Variants in NELFE observed in about 807,000 individuals in gnomAD.
NELFE encodes the protein negative elongation factor complex member E.
In NELFE, 26 loss-of-function variants were observed where a neutral mutation model predicts 55.5. The ratio of observed to expected loss-of-function variants is 0.47; its 90% CI spans 0.34 to 0.65. The LOEUF (loss-of-function observed/expected upper bound fraction) is 0.65. Ranked by LOEUF, NELFE falls within the 30% of genes least tolerant of loss-of-function variation. NELFE has a pLI of 0.01. For missense variants in NELFE, 403 were observed against 506.9 expected (o/e 0.80, Z 1.97); for synonymous variants, 162 against 178.0 (o/e 0.91, Z 0.72).
chr6:31,958,585 G>A, intron 1 of NELFE, 131 bp from the exon 2 acceptor site: 1 of 774,240 alleles, frequency 1.3e-6, no homozygotes, highest in South Asian at 1.4e-5. Flanking sequence ...CCTACCCCTT[G>A]CTTAAACCAG....
rs1771923760 is a variant in NELFE, at chr6:31,954,138, G to A, written c.888-4C>T. 5 of 1,614,004 alleles carry A rather than the reference G, an allele frequency of 3.1e-6. No individual in the cohort carries two copies. The highest frequency in any genetic ancestry group is 4.2e-6 in the Non-Finnish European group (5 of 1,179,994). ...TTCATAGGTGACGAAGGCACAGCTG[G>A]GATAAGAGAAAACACGGTCAGTGGA... On this transcript the variant is annotated splice_polypyrimidine_tract_variant and splice_region_variant and intron_variant, in intron 8 of 10. Transcript: ENST00000375429. This position sits in a 1 kb window ranked among gnomAD's most constrained non-coding sequence, Gnocchi z 5.5.
At chr6:31,955,133 A>C (rs1381693268) in intron 5 of NELFE, 37 bp from the exon 6 acceptor site, 1 of 1,612,886 alleles carries the variant, frequency 6.2e-7, no homozygotes. Context: ...GATGATTTCC[A>C]GTTGCTGACA....
rs757028496 is a variant in NELFE, at chr6:31,956,696, T to A, written c.288A>T (p.Leu96Phe). Reference protein sequence around the residue: ...FKRSRTLEGKLKDPEKGPVPT... With the variant: ...FKRSRTLEGKFKDPEKGPVPT... ...CAATCTTTCTGCTTGTGCTCACCTTTAACTTCCCCTCAAGGGTTCGAGAAC... is the reference window on the plus strand; with the variant it reads ...CAATCTTTCTGCTTGTGCTCACCTTAAACTTCCCCTCAAGGGTTCGAGAAC... The change falls in exon 4 of 11, where the codon TTA (leucine) becomes TTT (phenylalanine). Residue 96 changes from leucine (L) to phenylalanine (F), a missense_variant. By Grantham distance (22) the Leu-to-Phe change is conservative. Around this residue, in one of 3 missense-constraint regions of NELFE, gnomAD observed 97 missense variants for 155.3 expected, o/e 0.62. Coordinates refer to ENST00000375429, the MANE Select transcript of NELFE (RefSeq NM_002904.6). 1.2e-6 allele frequency: 2 copies of A among 1,601,130 alleles called. No individual in the cohort carries two copies. The highest frequency in any genetic ancestry group is 1.7e-6 in the Non-Finnish European group (2 of 1,170,224).
intron 4 of NELFE, 67 bp downstream of exon 4, chr6:31,956,626 T>C (rs1184519987): frequency 1.2e-5 from 18 of 1,517,630 alleles, no homozygotes; most frequent in East Asian, 4.6e-5. Context: ...TGCATATTTT[T>C]CCCCAAACCC....
intron 2 of NELFE, chr6:31,957,431 A>G: frequency 2.1e-6 from 1 of 472,434 alleles, no homozygotes. Flanking sequence ...CAAGAAGCTT[A>G]CAGTCTGAGA....
rs1771919786 is a variant in NELFE at position 31,954,082 on chromosome 6, C to T, written c.940G>A (p.Glu314Lys). ...KMESADQAVA[E>K]LNGTQVESVQ... The stretch of plus-strand genomic sequence containing the variant: ...GAACAGATTTGGGAAGTTCCAACCT[C>T]AGCAACGGCCTGATCTGCTGACTCC... Residue 314 changes from glutamate (E) to lysine (K), a missense_variant and splice_region_variant, in exon 9 of 11, where the codon GAG becomes AAG. Transcript: ENST00000375429. The surrounding 1 kb of genome is among the most constrained non-coding windows in gnomAD (Gnocchi z 5.5). 6.2e-7 allele frequency: 1 copy of T among 1,613,532 alleles called. No homozygotes were observed. Among genetic ancestry groups the T allele is most frequent in the Admixed American group, 1.7e-5 (1 of 59,988 alleles).
chr6:31,955,389 T>A, intron 4 of NELFE, 96 bp from the exon 5 acceptor site: 1 of 762,312 alleles, frequency 1.3e-6, no homozygotes, highest in Non-Finnish European at 2.1e-6. Context: ...CTAGGTTTCC[T>A]CTGATCTTTT....
At position 31,958,366 on chromosome 6, in the gene NELFE, C is replaced by T; in HGVS notation, c.75+6G>A. 1.9e-6 allele frequency: 3 copies of T among 1,612,526 alleles called. No homozygotes were observed. Among genetic ancestry groups the T allele is most frequent in the Non-Finnish European group, 2.5e-6 (3 of 1,179,520 alleles). On this transcript the variant is annotated splice_donor_region_variant and intron_variant, in intron 2 of 10. Coordinates refer to ENST00000375429, the MANE Select transcript of NELFE (RefSeq NM_002904.6). ...GGTTAGGCCATGTCCACACACAGTCCCTCACCTTTTTCTTGAGCTTGTTGA... is the reference window on the plus strand; with the variant it reads ...GGTTAGGCCATGTCCACACACAGTCTCTCACCTTTTTCTTGAGCTTGTTGA...
chr6:31,954,067 G>C lies in NELFE; in HGVS notation c.942+13C>G. 6.2e-7 allele frequency: 1 copy of C among 1,612,666 alleles called. No homozygotes were observed. The highest frequency in any genetic ancestry group is 8.5e-7 in the Non-Finnish European group (1 of 1,179,392). On this transcript the variant is annotated intron_variant, in intron 9 of 10. Coordinates refer to ENST00000375429, the MANE Select transcript of NELFE (RefSeq NM_002904.6). This position sits in a 1 kb window ranked among gnomAD's most constrained non-coding sequence, Gnocchi z 5.5. ...CAGAAGCGATGGGAAGAACAGATTTGGGAAGTTCCAACCTCAGCAACGGCC... is the reference window on the plus strand; with the variant it reads ...CAGAAGCGATGGGAAGAACAGATTTCGGAAGTTCCAACCTCAGCAACGGCC...
chr6:31,957,578 AAG>A, intron 2 of NELFE: 1 of 378,584 alleles, frequency 2.6e-6, no homozygotes, highest in South Asian at 2.0e-5. Flanking sequence ...CAGAGAGGAG[AAG>A]GGTATTTTAG....
At position 31,952,281 on chromosome 6, in the gene NELFE, A is replaced by C. The variant is rs765570341; in HGVS notation, c.*20T>G. ...ACCAGCATTGGGGCATATGAGGCAC[A>C]AGGAATCCAGCTCTGTTCCCTAGAA... On this transcript the variant is annotated 3_prime_UTR_variant, in exon 11 of 11. Transcript: ENST00000375429. 1 of 1,598,270 alleles carries C rather than the reference A, an allele frequency of 6.3e-7. No individual in the cohort carries two copies. The highest frequency in any genetic ancestry group is 2.2e-5 in the East Asian group (1 of 44,802).
At chr6:31,953,972 G>A (rs1771911989) in intron 9 of NELFE, 108 bp downstream of exon 9, 9 of 1,377,922 alleles carry the variant, frequency 6.5e-6, no homozygotes, top group Non-Finnish European at 1.0e-6. Context: ...AATAGGGAGA[G>A]GCTTTCTTTA....
chr6:31,955,860 C>T (rs1196614481), intron 4 of NELFE, among the ~76,000 whole-genome samples: 1 of 152,168 alleles, frequency 6.6e-6, no homozygotes, highest in African/African-American at 2.4e-5. Flanking sequence ...ACCTCTGCCT[C>T]CTGGGTTCAA....
In NELFE at chr6:31,958,909, G is replaced by T. The variant is rs1295809566; in HGVS notation, c.-26C>A. On this transcript the variant is annotated 5_prime_UTR_variant, in exon 1 of 11. Coordinates refer to ENST00000375429, the MANE Select transcript of NELFE (RefSeq NM_002904.6). Reference sequence around the variant, plus strand: ...GGCCTTACCCGAGGGGGCGGCAACCGGGGGCCCCACGGTCTCCGGCCGCGC... The same window carrying T: ...GGCCTTACCCGAGGGGGCGGCAACCTGGGGCCCCACGGTCTCCGGCCGCGC... The T allele has an allele frequency of 5.1e-6, 3 of 592,462 alleles. No homozygotes were observed. The highest frequency in any genetic ancestry group is 4.4e-4 in the Middle Eastern group (1 of 2,260). The allele number at this position is 592,462 out of a possible 1,614,324, so 36.7% of individuals were successfully genotyped here. A position where few individuals can be genotyped will look rare whatever the true frequency, so the allele number is the denominator to read the frequency against.
At chr6:31,955,751 C>A (rs1772046764) in intron 4 of NELFE, among the ~76,000 whole-genome samples, 1 of 150,350 alleles carries the variant, frequency 6.7e-6, no homozygotes, top group African/African-American at 2.5e-5. Context: ...TGAGCCATTG[C>A]CGCACCTGCC....
intron 10 of NELFE, 148 bp downstream of exon 10, chr6:31,953,581 C>T (rs1771889223): frequency 1.4e-6 from 1 of 704,424 alleles, no homozygotes; most frequent in Non-Finnish European, 2.6e-6. Flanking sequence ...CTCTAACTGA[C>T]AGAGGATCTG....
At chr6:31,957,302 G>A (rs902164386) in intron 2 of NELFE, 3 of 618,430 alleles carry the variant, frequency 4.9e-6, no homozygotes, top group Admixed American at 2.3e-5. Context: ...CTGCAAGTAA[G>A]TATAAGTTTA....
intron 1 of NELFE, 77 bp downstream of exon 1, chr6:31,958,815 C>A (rs1399198236): frequency 1.7e-5 from 11 of 664,688 alleles, no homozygotes; most frequent in African/African-American, 1.6e-4. Flanking sequence ...GTAGCGCCCG[C>A]AGAGCAACGC....
At chr6:31,957,123 A>T in intron 2 of NELFE, 113 bp from the exon 3 acceptor site, 3 of 886,546 alleles carry the variant, frequency 3.4e-6, no homozygotes, top group Non-Finnish European at 5.3e-6. Flanking sequence ...ATGCCCTCAG[A>T]GTGGTACACT....
Sources: gnomAD v4.1 joint callset for allele counts (sites outside exome capture counted in the v4.1 genomes callset) on GRCh38, gnomAD v4.1.1 for gene constraint, gnomAD v4.1.1 regional missense constraint, Gnocchi (gnomAD v3.1) non-coding constraint, MANE v1.5 for transcripts, NCBI Gene and HGNC (gene_info 2026-07-23, HGNC 2026-07-21) for gene names.